The following HSD17B12 variants were observed in gnomAD, a reference collection of about 807,000 sequenced individuals.
HSD17B12 encodes hydroxysteroid 17-beta dehydrogenase 12.
A neutral mutation model predicts 39.3 loss-of-function variants in HSD17B12; 32 were observed. The observed-to-expected ratio is 0.81, with a 90% CI of 0.61 to 1.09. HSD17B12 has a LOEUF of 1.09. Among genes scored for constraint, HSD17B12 ranks in the 50% least tolerant of loss-of-function variants. HSD17B12 has a pLI of 0.00. For synonymous variants in HSD17B12, 150 were observed against 146.7 expected, an observed-to-expected ratio of 1.02 and a Z score of -0.16; for missense variants, 342 against 382.9, an observed-to-expected ratio of 0.89 and a Z score of 0.89.
rs1020858293 is a variant in HSD17B12 at position 43,769,238 on chromosome 11, G to T, written c.283+15117G>T. Among the ~76,000 whole-genome samples, 3 of 152,322 alleles carry T rather than the reference G, an allele frequency of 2.0e-5. No homozygotes were observed. The South Asian group carries it at 6.2e-4, about 32-fold the overall frequency. The stretch of plus-strand genomic sequence containing the variant: ...TATAGGCGTGAGCCACTGCCTCACT[G>T]CCTTAAATATGCTGGCCCCTACTGT... On this transcript the variant is annotated intron_variant, in intron 3 of 10. Coordinates refer to ENST00000278353, the MANE Select transcript of HSD17B12 (RefSeq NM_016142.3).
At chr11:43,711,374 C>T (rs1191543138) in intron 1 of HSD17B12, among the ~76,000 whole-genome samples, 1 of 151,748 alleles carries the variant, frequency 6.6e-6, no homozygotes, top group East Asian at 1.9e-4. Flanking sequence ...TTAGATTTTA[C>T]AGAACATTTA....
At chr11:43,647,095 T>TG in the HSD17B12 span, among the ~76,000 whole-genome samples, 1 of 152,126 alleles carries the variant, frequency 6.6e-6, no homozygotes, top group Non-Finnish European at 1.5e-5. Flanking sequence ...AAAAAAGAAA[T>TG]GGAAACTTGT....
intron 6 of HSD17B12, among the ~76,000 whole-genome samples, chr11:43,819,628 T>G (rs1465902250): frequency 6.6e-6 from 1 of 152,222 alleles, no homozygotes; most frequent in Non-Finnish European, 1.5e-5. Flanking sequence ...CTCTTCATCC[T>G]TCCTCTTCTT....
intron 1 of HSD17B12, among the ~76,000 whole-genome samples, chr11:43,715,232 G>T (rs1275841753): frequency 1.3e-5 from 2 of 151,984 alleles, no homozygotes; most frequent in East Asian, 3.9e-4. Flanking sequence ...TCCAGTTTTT[G>T]CCCATTCAGT....
intron 3 of HSD17B12, among the ~76,000 whole-genome samples, chr11:43,755,934 G>A (rs10838161): frequency 0.37 from 56,748 of 152,016 alleles, 11,152 homozygotes; most frequent in East Asian, 0.68. Flanking sequence ...CAATCATGGC[G>A]GAAGGTGAAA....
intron 3 of HSD17B12, among the ~76,000 whole-genome samples, chr11:43,765,604 G>A (rs1318816644): frequency 6.6e-6 from 1 of 151,674 alleles, no homozygotes; most frequent in African/African-American, 2.4e-5. Context: ...TGGGACTTTA[G>A]TTACGTATAT....
intron 4 of HSD17B12, among the ~76,000 whole-genome samples, chr11:43,807,696 G>A (rs1951032370): frequency 6.6e-6 from 1 of 152,180 alleles, no homozygotes; most frequent in Admixed American, 6.5e-5. Flanking sequence ...TTTCAGAAGT[G>A]AGACATAAGA....
chr11:43,742,208 A>T (rs1950374206), intron 1 of HSD17B12, among the ~76,000 whole-genome samples: 1 of 147,880 alleles, frequency 6.8e-6, no homozygotes, highest in Admixed American at 6.8e-5. Context: ...CGCAATCATA[A>T]CTCACTTCAT....
intron 4 of HSD17B12, among the ~76,000 whole-genome samples, chr11:43,811,879 C>T (rs1437293424): frequency 2.0e-5 from 3 of 152,146 alleles, no homozygotes; most frequent in Non-Finnish European, 2.9e-5. Flanking sequence ...CACCCACACA[C>T]ACCTGCCCCA....
intron 1 of HSD17B12, among the ~76,000 whole-genome samples, chr11:43,718,366 G>A (rs1465791280): frequency 6.6e-6 from 1 of 152,124 alleles, no homozygotes; most frequent in Non-Finnish European, 1.5e-5. Context: ...TCAACCTGGA[G>A]TCCAGTATCT....
intron 1 of HSD17B12, among the ~76,000 whole-genome samples, chr11:43,692,614 A>C (rs1196066548): frequency 6.6e-6 from 1 of 152,228 alleles, no homozygotes; most frequent in African/African-American, 2.4e-5. Context: ...CTTTAGTAAG[A>C]AAGATTTCTC....
At chr11:43,776,390 G>A (rs1275736542) in intron 3 of HSD17B12, among the ~76,000 whole-genome samples, 4 of 151,982 alleles carry the variant, frequency 2.6e-5, no homozygotes, top group African/African-American at 9.7e-5. Context: ...TGTTTTGGCT[G>A]CATAAATGTC....
chr11:43,745,029 A>G (rs750442282), intron 1 of HSD17B12, among the ~76,000 whole-genome samples: 1 of 152,212 alleles, frequency 6.6e-6, no homozygotes, highest in Non-Finnish European at 1.5e-5. Context: ...GCAGCAGGTA[A>G]CACTCCTGGC....
the HSD17B12 span, among the ~76,000 whole-genome samples, chr11:43,592,868 C>T: frequency 1.3e-5 from 2 of 152,002 alleles, no homozygotes; most frequent in East Asian, 1.9e-4. Flanking sequence ...TTTGATCTCA[C>T]ACACTCTTAG....
intron 1 of HSD17B12, among the ~76,000 whole-genome samples, chr11:43,690,392 A>ATTTT (rs1565049755): frequency 6.6e-4 from 12 of 18,102 alleles, no homozygotes; most frequent in Non-Finnish European, 1.0e-3. Flanking sequence ...ATATATATAT[A>ATTTT]TATATATATA....
Position 43,740,401 on chromosome 11 carries a change from C to T in HSD17B12, c.161-10510C>T, listed in dbSNP as rs558464687. On this transcript the variant is annotated intron_variant, in intron 1 of 10. Transcript: ENST00000278353. ...TATTGACCGTTTACGCTTACTTTTC[C>T]GGGCCTATCATAGTTGCTTTAATAA... 3.2e-4 allele frequency among the ~76,000 whole-genome samples: 49 copies of T among 151,994 alleles called. 1 individual carries two copies. Among genetic ancestry groups the T allele is most frequent in the Admixed American group, 1.8e-3 (27 of 15,264 alleles).
the HSD17B12 span, among the ~76,000 whole-genome samples, chr11:43,627,482 T>C: frequency 6.6e-6 from 1 of 151,952 alleles, no homozygotes; most frequent in Admixed American, 6.6e-5. Flanking sequence ...TAATTTTAAA[T>C]TAAATTTTAA....
intron 4 of HSD17B12, among the ~76,000 whole-genome samples, chr11:43,814,164 AT>A (rs59845637): frequency 0.28 from 41,177 of 148,998 alleles, 6,398 homozygotes; most frequent in African/African-American, 0.42. Flanking sequence ...AGTTATTATG[AT>A]TTTTTTTTTT....
chr11:43,818,171 T>C (rs1223515238), intron 6 of HSD17B12, among the ~76,000 whole-genome samples: 1 of 152,192 alleles, frequency 6.6e-6, no homozygotes, highest in Admixed American at 6.5e-5. Context: ...ACTGATAAAT[T>C]GTTTCCATTT....
Sources: gnomAD v4.1 joint callset for allele counts (sites outside exome capture counted in the v4.1 genomes callset) on GRCh38, gnomAD v4.1.1 for gene constraint, MANE v1.5 for transcripts, NCBI Gene and HGNC (gene_info 2026-07-23, HGNC 2026-07-21) for gene names.